The following RPSA2 variants were observed in gnomAD, a reference collection of about 807,000 sequenced individuals.
RPSA2 encodes the protein small ribosomal subunit protein uS2B.
chr19:23,838,301 A>ATGG, the RPSA2 span, among the ~76,000 whole-genome samples: 148,308 of 152,196 alleles, frequency 0.97, 72,376 homozygotes, highest in Middle Eastern at 1. Context: ...CCACTTGATC[A>ATGG]TGGATTATCT....
the RPSA2 span, among the ~76,000 whole-genome samples, chr19:23,807,008 G>A: frequency 2.0e-5 from 3 of 152,064 alleles, no homozygotes; most frequent in African/African-American, 4.8e-5. Context: ...GGGTGCATCA[G>A]CACACTATGA....
the RPSA2 span, among the ~76,000 whole-genome samples, chr19:23,784,305 C>T: frequency 6.6e-6 from 1 of 152,240 alleles, no homozygotes; most frequent in Non-Finnish European, 1.5e-5. Flanking sequence ...GTCCTATGCA[C>T]AGCCCACCAA....
At chr19:23,836,425 G>A in the RPSA2 span, among the ~76,000 whole-genome samples, 3 of 152,148 alleles carry the variant, frequency 2.0e-5, no homozygotes, top group South Asian at 6.2e-4. Flanking sequence ...TGATTGATGG[G>A]CATTTTGGTT....
chr19:23,817,966 G>A, the RPSA2 span: 4 of 152,318 alleles, frequency 2.6e-5, no homozygotes, highest in African/African-American at 9.6e-5. Flanking sequence ...GGATTACTAA[G>A]GGGAGGAGGA....
the RPSA2 span, among the ~76,000 whole-genome samples, chr19:23,778,995 CTTTTTTTTTTTT>C: frequency 1.1e-4 from 9 of 80,696 alleles, no homozygotes; most frequent in South Asian, 5.2e-4. Flanking sequence ...TTTTGTGACA[CTTTTTTTTTTTT>C]TTTTTTTTTT....
chr19:23,846,525 C>T, the RPSA2 span, among the ~76,000 whole-genome samples: 1 of 152,124 alleles, frequency 6.6e-6, no homozygotes, highest in East Asian at 1.9e-4. Context: ...TATTGGAAAT[C>T]CCTGGAACAT....
chr19:23,819,485 C>T, the RPSA2 span: 2 of 152,108 alleles, frequency 1.3e-5, no homozygotes, highest in Non-Finnish European at 2.9e-5. Context: ...AATATGGGGC[C>T]CATCCCATAT....
chr19:23,867,083 C>T, the RPSA2 span, among the ~76,000 whole-genome samples: 1 of 152,144 alleles, frequency 6.6e-6, no homozygotes, highest in Non-Finnish European at 1.5e-5. Context: ...TTTGGGAGCA[C>T]AACTACATGC....
At chr19:23,851,907 G>T in the RPSA2 span, among the ~76,000 whole-genome samples, 35 of 152,126 alleles carry the variant, frequency 2.3e-4, no homozygotes, top group Non-Finnish European at 4.6e-4. Context: ...GTTGAGAAGC[G>T]GCCTGAACTT....
chr19:23,849,767 C>T, the RPSA2 span, among the ~76,000 whole-genome samples: 1 of 152,130 alleles, frequency 6.6e-6, no homozygotes, highest in South Asian at 2.1e-4. Flanking sequence ...CAGTCTATTA[C>T]TAAACCATAT....
chr19:23,867,141 G>C, the RPSA2 span, among the ~76,000 whole-genome samples: 148,898 of 152,226 alleles, frequency 0.98, 72,915 homozygotes, highest in Middle Eastern at 1. Flanking sequence ...CCACCTGTTT[G>C]GTACAAATTA....
chr19:23,848,284 A>T, the RPSA2 span, among the ~76,000 whole-genome samples: 1 of 152,180 alleles, frequency 6.6e-6, no homozygotes, highest in East Asian at 1.9e-4. Flanking sequence ...TTCCCACAAC[A>T]TCTCTCCCTT....
the RPSA2 span, chr19:23,827,540 C>T: frequency 1.2e-5 from 19 of 1,596,240 alleles, no homozygotes; most frequent in African/African-American, 2.7e-5. Context: ...GGTTACTGAC[C>T]CCAGGGCTGA....
chr19:23,853,624 T>C, the RPSA2 span, among the ~76,000 whole-genome samples: 2 of 152,242 alleles, frequency 1.3e-5, no homozygotes, highest in South Asian at 4.1e-4. Context: ...CTTCATGTTT[T>C]GGGCTGGTAC....
chr19:23,829,350 G>GA, the RPSA2 span, among the ~76,000 whole-genome samples: 1 of 152,082 alleles, frequency 6.6e-6, no homozygotes, highest in African/African-American at 2.4e-5. Flanking sequence ...GTCCATGCTG[G>GA]AGTGCAATGG....
the RPSA2 span, among the ~76,000 whole-genome samples, chr19:23,834,876 GT>G: frequency 7.2e-5 from 11 of 151,726 alleles, no homozygotes; most frequent in African/African-American, 2.7e-4. Flanking sequence ...AAAAAATATT[GT>G]TCCTATAGGT....
chr19:23,762,724 A>G, the RPSA2 span, among the ~76,000 whole-genome samples: 1 of 151,720 alleles, frequency 6.6e-6, no homozygotes. Flanking sequence ...CTTAAGTAGC[A>G]AATAAGATGC....
chr19:23,865,016 G>T, the RPSA2 span, among the ~76,000 whole-genome samples: 1 of 152,044 alleles, frequency 6.6e-6, no homozygotes, highest in African/African-American at 2.4e-5. Flanking sequence ...CTTTATTCCT[G>T]CATTTATCCT....
the RPSA2 span, among the ~76,000 whole-genome samples, chr19:23,778,316 G>A: frequency 9.2e-5 from 14 of 152,262 alleles, no homozygotes; most frequent in African/African-American, 3.1e-4. Flanking sequence ...AGGTTCAAGC[G>A]ATTCTACTGC....
Sources: gnomAD v4.1 joint callset for allele counts (sites outside exome capture counted in the v4.1 genomes callset) on GRCh38, gnomAD v4.1.1 for gene constraint, MANE v1.5 for transcripts, NCBI Gene and HGNC (gene_info 2026-07-23, HGNC 2026-07-21) for gene names.